RNF139: variants seen among roughly 807,000 people sequenced by gnomAD.
The protein encoded by RNF139 is ring finger protein 139.
A neutral mutation model predicts 49.5 loss-of-function variants in RNF139; 15 were observed. The observed-to-expected ratio is 0.30, with a 90% CI of 0.20 to 0.47. The LOEUF (loss-of-function observed/expected upper bound fraction) is 0.47. Among genes scored for constraint, RNF139 ranks in the 20% least tolerant of loss-of-function variants. The pLI is 1.00. For synonymous variants in RNF139, 325 were observed against 300.9 expected (o/e 1.08, Z -0.83); for missense variants, 619 against 806.3 (o/e 0.77, Z 2.81).
Position 124,482,653 on chromosome 8 carries a change from G to A in RNF139, c.182-3178G>A, listed in dbSNP as rs114448248. Among the ~76,000 whole-genome samples, 684 of 151,836 alleles carry A rather than the reference G, an allele frequency of 4.5e-3. 7 individuals carry two copies. The highest frequency in any genetic ancestry group is 0.016 in the African/African-American group (665 of 41,374). The stretch of plus-strand genomic sequence containing the variant: ...TAAAAAAATCTTTTCAGGGCCGAGC[G>A]CAGTGGCTCACGCCTATAATCGCAG... On this transcript the variant is annotated intron_variant, in intron 1 of 1. Transcript: ENST00000303545.
chr8:124,486,003 G>T lies in RNF139; in HGVS notation c.354G>T (p.Leu118=), dbSNP rs199713239. 1.4e-5 allele frequency: 23 copies of T among 1,614,030 alleles called. No individual in the cohort carries two copies. The Admixed American group carries it at 1.7e-4, about 12-fold the overall frequency. The change falls in exon 2 of 2, where the codon CTG becomes CTT. Residue 118 remains leucine (L), a synonymous_variant. Transcript: ENST00000303545. The part of the protein sequence containing the change: ...AYNTSAFGIE[L]LPRKGPSLWM... ...ACACGTCAGCTTTTGGAATTGAGCT[G>T]CTTCCTCGAAAAGGTCCCTCGCTGT...
intron 1 of RNF139, among the ~76,000 whole-genome samples, chr8:124,476,355 C>T (rs1227459768): frequency 6.6e-6 from 1 of 152,144 alleles, no homozygotes; most frequent in Admixed American, 6.6e-5. Context: ...TTCAAACATC[C>T]CCCAGAGGTG....
intron 1 of RNF139, among the ~76,000 whole-genome samples, chr8:124,485,020 A>G (rs1195702042): frequency 6.6e-6 from 1 of 152,216 alleles, no homozygotes; most frequent in Non-Finnish European, 1.5e-5. Context: ...GGAGGAATTA[A>G]GTGGAAGTAT....
In RNF139 at chr8:124,487,004, T is replaced by C; in HGVS notation, c.1355T>C (p.Val452Ala). 6.2e-7 allele frequency: 1 copy of C among 1,614,124 alleles called. No homozygotes were observed. The highest frequency in any genetic ancestry group is 8.5e-7 in the Non-Finnish European group (1 of 1,180,002). Residue 452 changes from valine (V) to alanine (A), a missense_variant, in exon 2 of 2, where the codon GTC becomes GCC. Val to Ala is a moderately conservative substitution (Grantham distance 64, BLOSUM62 0). Coordinates refer to ENST00000303545, the MANE Select transcript of RNF139 (RefSeq NM_007218.4). ...TLFMIDGYYNVLWEKLDDYVY... is the reference protein window; with the variant it reads ...TLFMIDGYYNALWEKLDDYVY... ...TTCATGATTGATGGCTACTATAATGTCCTCTGGGAAAAGCTTGACGATTAT... is the reference window on the plus strand; with the variant it reads ...TTCATGATTGATGGCTACTATAATGCCCTCTGGGAAAAGCTTGACGATTAT...
intron 1 of RNF139, among the ~76,000 whole-genome samples, chr8:124,485,437 A>G (rs1279969293): frequency 2.0e-5 from 3 of 152,216 alleles, no homozygotes; most frequent in Non-Finnish European, 2.9e-5. Context: ...TTTTAACCCA[A>G]TTTTTAAAAT....
intron 1 of RNF139, among the ~76,000 whole-genome samples, chr8:124,479,354 T>A (rs535005740): frequency 6.6e-6 from 1 of 152,334 alleles, no homozygotes; most frequent in South Asian, 2.1e-4. Context: ...AATCTAAATA[T>A]GTATTGATAC....
At position 124,474,973 on chromosome 8, in the gene RNF139, C is replaced by T; in HGVS notation, c.-137C>T. The T allele has an allele frequency of 2.0e-6, 1 of 493,028 alleles. No individual in the cohort carries two copies. The highest frequency in any genetic ancestry group is 3.1e-6 in the Non-Finnish European group (1 of 327,346). 30.5% of individuals were successfully genotyped at this position (493,028 alleles called of 1,614,324 possible). ...CGAGGGACGCGAGCGGGCGGCGGGG[C>T]TGGCCGTGAGAGAGACAGGAGAGGA... On this transcript the variant is annotated 5_prime_UTR_variant, in exon 1 of 2. Transcript: ENST00000303545. The surrounding 1 kb of genome is among the most constrained non-coding windows in gnomAD (Gnocchi z 4.6).
chr8:124,480,062 G>A (rs1437505551), intron 1 of RNF139, among the ~76,000 whole-genome samples: 2 of 151,842 alleles, frequency 1.3e-5, no homozygotes, highest in African/African-American at 4.8e-5. Flanking sequence ...GGGCCTAGGA[G>A]TTCAAGGCTG....
intron 1 of RNF139, among the ~76,000 whole-genome samples, chr8:124,477,702 A>C (rs893651934): frequency 2.0e-5 from 3 of 152,326 alleles, no homozygotes; most frequent in Non-Finnish European, 4.4e-5. Flanking sequence ...GAAGAACATA[A>C]AGCTGTGTTT....
At chr8:124,481,638 G>A (rs1816410603) in intron 1 of RNF139, among the ~76,000 whole-genome samples, 1 of 152,010 alleles carries the variant, frequency 6.6e-6, no homozygotes, top group Non-Finnish European at 1.5e-5. Flanking sequence ...CTTAATCACT[G>A]GAGAATTGGA....
intron 1 of RNF139, among the ~76,000 whole-genome samples, chr8:124,484,507 G>A (rs1458418764): frequency 1.3e-5 from 2 of 152,136 alleles, no homozygotes; most frequent in East Asian, 3.8e-4. Flanking sequence ...TGGGTTGGGA[G>A]TATCTCTAAA....
Position 124,486,552 on chromosome 8 carries a change from A to G in RNF139, c.903A>G (p.Val301=). The change falls in exon 2 of 2, where the codon GTA becomes GTG. Residue 301 remains valine, a synonymous_variant. Transcript: ENST00000303545. ...VLGMSAVISS[V]AHYLGLGILA... ...GCATGAGTGCTGTAATTTCCTCAGT[A>G]GCCCATTATTTGGGGCTTGGAATAT... The G allele has an allele frequency of 1.2e-6, 2 of 1,614,192 alleles. No homozygotes were observed. Among genetic ancestry groups the G allele is most frequent in the Non-Finnish European group, 1.7e-6 (2 of 1,180,042 alleles).
rs1327560711 is a variant in RNF139, at chr8:124,487,271, A to G, written c.1622A>G (p.Gln541Arg). The change falls in exon 2 of 2, where the codon CAA (glutamine) becomes CGA (arginine). Residue 541 changes from glutamine to arginine, a missense_variant. Gln to Arg is a conservative substitution (Grantham distance 43, BLOSUM62 1). Around this residue, in one of 2 missense-constraint regions of RNF139, gnomAD observed 530 missense variants for 728.9 expected, o/e 0.73. Transcript: ENST00000303545. ...CCTGAAATAAAAGGGAGCCGCTTAC[A>G]AGAAATAAATGATGTATGTGCAATC... ...SLPEIKGSRL[Q>R]EINDVCAICY... 1.2e-6 allele frequency: 2 copies of G among 1,614,016 alleles called. No homozygotes were observed. Among genetic ancestry groups the G allele is most frequent in the Admixed American group, 3.3e-5 (2 of 60,002 alleles).
In RNF139 at chr8:124,487,709, A is replaced by G. The variant is rs1232704719; in HGVS notation, c.*65A>G. 113 of 1,474,538 alleles carry G rather than the reference A, an allele frequency of 7.7e-5. No homozygotes were observed. Among genetic ancestry groups the G allele is most frequent in the Non-Finnish European group, 1.0e-4 (112 of 1,099,510 alleles). 91.3% of individuals were successfully genotyped at this position (1,474,538 alleles called of 1,614,324 possible). On this transcript the variant is annotated 3_prime_UTR_variant, in exon 2 of 2. Transcript: ENST00000303545. ...AATTCAGTTCATCCAAAATGGAGTA[A>G]TATCCTTCACCTTCAGTGTGTAACC...
In RNF139 at chr8:124,482,937, A is replaced by T. The variant is rs1275546247; in HGVS notation, c.182-2894A>T. On this transcript the variant is annotated intron_variant, in intron 1 of 1. Coordinates refer to ENST00000303545, the MANE Select transcript of RNF139 (RefSeq NM_007218.4). ...GCGAAACTCCATTAAAAAAAATATAAAAAAAAATATATATATATATAATAT... is the reference window on the plus strand; with the variant it reads ...GCGAAACTCCATTAAAAAAAATATATAAAAAAATATATATATATATAATAT... 1.3e-4 allele frequency among the ~76,000 whole-genome samples: 13 copies of T among 96,952 alleles called. 1 individual carries two copies. The highest frequency in any genetic ancestry group is 3.6e-4 in the African/African-American group (10 of 27,726). The allele number at this position is 96,952 out of a possible 152,430, so 63.6% of individuals were successfully genotyped here.
At chr8:124,481,113 TC>T (rs1563630436) in intron 1 of RNF139, among the ~76,000 whole-genome samples, 1 of 152,214 alleles carries the variant, frequency 6.6e-6, no homozygotes, top group African/African-American at 2.4e-5. Flanking sequence ...AGGTTTTTTT[TC>T]AACCTAAAAT....
Position 124,487,796 on chromosome 8 carries a change from A to C in RNF139, c.*152A>C. ...GGTTTTCCGTTTACTGTGATGTGCT[A>C]CTGTAAATATACCTCTTTAATTACT... is the stretch of plus-strand genomic sequence containing the variant. On this transcript the variant is annotated 3_prime_UTR_variant, in exon 2 of 2. Transcript: ENST00000303545. The C allele has an allele frequency of 1.4e-6, 1 of 690,662 alleles. No individual in the cohort carries two copies. The highest frequency in any genetic ancestry group is 2.0e-5 in the South Asian group (1 of 48,844). 42.8% of individuals were successfully genotyped at this position (690,662 alleles called of 1,614,324 possible). A position where few individuals can be genotyped will look rare whatever the true frequency, so the allele number is the denominator to read the frequency against.
Position 124,487,015 on chromosome 8 carries a change from A to G in RNF139, c.1366A>G (p.Lys456Glu), listed in dbSNP as rs1816546967. The change falls in exon 2 of 2, where the codon AAG (lysine) becomes GAG (glutamate). Residue 456 changes from lysine to glutamate, a missense_variant. Around this residue, in one of 2 missense-constraint regions of RNF139, gnomAD observed 530 missense variants for 728.9 expected, o/e 0.73. Coordinates refer to ENST00000303545, the MANE Select transcript of RNF139 (RefSeq NM_007218.4). ...TGGCTACTATAATGTCCTCTGGGAA[A>G]AGCTTGACGATTATGTCTACTACGT... ...IDGYYNVLWEKLDDYVYYVRS... is the reference protein window; with the variant it reads ...IDGYYNVLWEELDDYVYYVRS... 1 of 1,614,098 alleles carries G rather than the reference A, an allele frequency of 6.2e-7. No individual in the cohort carries two copies.
At position 124,486,330 on chromosome 8, in the gene RNF139, C is replaced by T; in HGVS notation, c.681C>T (p.Asp227=). ...ACGGATTACAGTTATTGATGGAGGA[C>T]ACATGGAAGAGGATTCGTTTCCCAG... is the stretch of plus-strand genomic sequence containing the variant. ...RIYGLQLLME[D]TWKRIRFPDI... The change falls in exon 2 of 2, where the codon GAC becomes GAT. Residue 227 remains aspartate, a synonymous_variant. Transcript: ENST00000303545. 6.2e-7 allele frequency: 1 copy of T among 1,614,060 alleles called. No individual in the cohort carries two copies. Among genetic ancestry groups the T allele is most frequent in the Non-Finnish European group, 8.5e-7 (1 of 1,179,972 alleles).
Sources: gnomAD v4.1 joint callset for allele counts (sites outside exome capture counted in the v4.1 genomes callset) on GRCh38, gnomAD v4.1.1 for gene constraint, gnomAD v4.1.1 regional missense constraint, Gnocchi (gnomAD v3.1) non-coding constraint, MANE v1.5 for transcripts, NCBI Gene and HGNC (gene_info 2026-07-23, HGNC 2026-07-21) for gene names.